ZNF837: variants seen among roughly 807,000 people sequenced by gnomAD.
ZNF837 encodes zinc finger protein 837.
For missense variants in ZNF837, 955 were observed against 801.7 expected (o/e 1.19, Z -2.31); for synonymous variants, 475 against 365.2 (o/e 1.30, Z -3.43).
intron 1 of ZNF837, among the ~76,000 whole-genome samples, chr19:58,371,338 G>T (rs544453914): frequency 6.6e-6 from 1 of 152,212 alleles, no homozygotes; most frequent in Non-Finnish European, 1.5e-5. Context: ...AACCTGTGAG[G>T]TGGAGGATGC....
In ZNF837 at chr19:58,375,313, A is replaced by ATATATATATATATATATATATAT. The variant is rs1568568408; in HGVS notation, c.-139-5386_-139-5385insATATATATATATATATATATATA. Among the ~76,000 whole-genome samples, 2 of 34,574 alleles carry ATATATATATATATATATATATAT rather than the reference A, an allele frequency of 5.8e-5. 1 individual carries two copies. The highest frequency in any genetic ancestry group is 1.3e-4 in the Non-Finnish European group (2 of 14,972). The allele number at this position is 34,574 out of a possible 152,430, so 22.7% of individuals were successfully genotyped here. A position where few individuals can be genotyped will look rare whatever the true frequency, so the allele number is the denominator to read the frequency against. On this transcript the variant is annotated intron_variant, in intron 1 of 2. Transcript: ENST00000597582. ...ATATATATATATATATATATATATA[A>ATATATATATATATATATATATAT]AATTACATATATACTTAAGAGTATA...
At chr19:58,371,871 GC>G (rs2052205127) in intron 1 of ZNF837, among the ~76,000 whole-genome samples, 1 of 141,544 alleles carries the variant, frequency 7.1e-6, no homozygotes, top group African/African-American at 2.7e-5. Context: ...ACAGGTGCCT[GC>G]CACCATGTCT....
intron 1 of ZNF837, among the ~76,000 whole-genome samples, chr19:58,373,897 G>A (rs989819938): frequency 2.6e-5 from 4 of 152,296 alleles, no homozygotes; most frequent in East Asian, 3.9e-4. Flanking sequence ...TGGAGGGGGC[G>A]GGACAAGATT....
rs2052177805 is a variant in ZNF837 at position 58,369,237 on chromosome 19, C to T, written c.96G>A (p.Pro32=). The T allele has an allele frequency of 1.4e-6, 2 of 1,424,356 alleles. No individual in the cohort carries two copies. The highest frequency in any genetic ancestry group is 1.8e-6 in the Non-Finnish European group (2 of 1,092,736). The allele number at this position is 1,424,356 out of a possible 1,614,324, so 88.2% of individuals were successfully genotyped here. The change falls in exon 3 of 3, where the codon CCG becomes CCA. Residue 32 remains proline (P), a synonymous_variant. Coordinates refer to ENST00000597582, the MANE Select transcript of ZNF837 (RefSeq NM_138466.2). The part of the protein sequence containing the change: ...SGAREKRPEE[P]RPLEEDRAGS... Reference sequence around the variant, plus strand: ...CAGCTCGGTCCTCTTCGAGGGGCCTCGGCTCCTCGGGCCTCTTCTCCCGGG... The same window carrying T: ...CAGCTCGGTCCTCTTCGAGGGGCCTTGGCTCCTCGGGCCTCTTCTCCCGGG...
In ZNF837 at chr19:58,369,038, T is replaced by C. The variant is rs1248581802; in HGVS notation, c.295A>G (p.Asn99Asp). The C allele has an allele frequency of 2.6e-6, 4 of 1,514,642 alleles. No individual in the cohort carries two copies. The highest frequency in any genetic ancestry group is 3.5e-6 in the Non-Finnish European group (4 of 1,130,014). 93.8% of individuals were successfully genotyped at this position (1,514,642 alleles called of 1,614,324 possible). Residue 99 changes from asparagine (N) to aspartate (D), a missense_variant, in exon 3 of 3, where the codon AAC becomes GAC. By Grantham distance (23) the Asn-to-Asp change is conservative. Coordinates refer to ENST00000597582, the MANE Select transcript of ZNF837 (RefSeq NM_138466.2). ...REPCGPTSSQ[N>D]PELVIPEGLQ... ...CCCTCGGGGATAACCAGCTCAGGGT[T>C]CTGAGAAGAGGTGGGGCCGCACGGC...
chr19:58,368,483 A>C lies in ZNF837; in HGVS notation c.850T>G (p.Ser284Ala). 4 of 1,563,380 alleles carry C rather than the reference A, an allele frequency of 2.6e-6. No individual in the cohort carries two copies. The highest frequency in any genetic ancestry group is 3.5e-6 in the Non-Finnish European group (4 of 1,156,370). Residue 284 changes from serine (S) to alanine (A), a missense_variant, in exon 3 of 3, where the codon TCC becomes GCC. Transcript: ENST00000597582. Reference sequence around the variant, plus strand: ...ATGCGCTGGTGCTGCAGCAGGCTGGAGGTGCGCGTGAAGGCCTTGCCGCAC... The same window carrying C: ...ATGCGCTGGTGCTGCAGCAGGCTGGCGGTGCGCGTGAAGGCCTTGCCGCAC... ...DECGKAFTRT[S>A]SLLQHQRIHT...
At chr19:58,369,584 G>A (rs992191502) in intron 2 of ZNF837, 36 of 367,286 alleles carry the variant, frequency 9.8e-5, no homozygotes, top group African/African-American at 3.8e-4. Context: ...CTGCCTGCCC[G>A]CCATCACCGT....
Position 58,368,181 on chromosome 19 carries a change from C to T in ZNF837, c.1152G>A (p.Val384=). Reference sequence around the variant, plus strand: ...ACGCGTAGGGCTTCTCGCCGGTGTGCACGCGCCGGTGCTCCACGAGGTGCG... The same window carrying T: ...ACGCGTAGGGCTTCTCGCCGGTGTGTACGCGCCGGTGCTCCACGAGGTGCG... ...LFSHLVEHRR[V]HTGEKPYACP... The change falls in exon 3 of 3, where the codon GTG becomes GTA. Residue 384 remains valine (V), a synonymous_variant. Coordinates refer to ENST00000597582, the MANE Select transcript of ZNF837 (RefSeq NM_138466.2). 2 of 1,577,398 alleles carry T rather than the reference C, an allele frequency of 1.3e-6. No homozygotes were observed. Among genetic ancestry groups the T allele is most frequent in the Non-Finnish European group, 1.7e-6 (2 of 1,164,694 alleles).
Position 58,368,670 on chromosome 19 carries a change from C to T in ZNF837, c.663G>A (p.Thr221=), listed in dbSNP as rs2052167790. 3 of 1,529,690 alleles carry T rather than the reference C, an allele frequency of 2.0e-6. No individual in the cohort carries two copies. The highest frequency in any genetic ancestry group is 1.2e-5 in the South Asian group (1 of 83,446). The allele number at this position is 1,529,690 out of a possible 1,614,324, so 94.8% of individuals were successfully genotyped here. ...ACCGGGCACACGGACGGGGCTCCTC[C>T]GTCGCCTGCAGCCTCTCCTGGGGGA... ...LRIPQERLQA[T]EEPRPCARCG... The change falls in exon 3 of 3, where the codon ACG becomes ACA. Residue 221 remains threonine (T), a synonymous_variant. Coordinates refer to ENST00000597582, the MANE Select transcript of ZNF837 (RefSeq NM_138466.2).
At chr19:58,380,153 G>C (rs2052278248) in intron 1 of ZNF837, among the ~76,000 whole-genome samples, 1 of 152,156 alleles carries the variant, frequency 6.6e-6, no homozygotes, top group Non-Finnish European at 1.5e-5. Flanking sequence ...AGTCCCAGGG[G>C]ACACAGACTC....
intron 1 of ZNF837, among the ~76,000 whole-genome samples, chr19:58,372,162 C>T (rs532258717): frequency 8.2e-4 from 125 of 152,258 alleles, no homozygotes; most frequent in African/African-American, 2.8e-3. Context: ...TCAAGCAATT[C>T]TCCTGCCTAA....
At chr19:58,377,611 C>A (rs1334305890) in intron 1 of ZNF837, among the ~76,000 whole-genome samples, 2 of 152,200 alleles carry the variant, frequency 1.3e-5, no homozygotes, top group African/African-American at 2.4e-5. Flanking sequence ...GCACGCCAGC[C>A]TGGGCAACAC....
chr19:58,369,068 G>A lies in ZNF837; in HGVS notation c.265C>T (p.Arg89Trp). The A allele has an allele frequency of 1.3e-6, 2 of 1,520,774 alleles. No homozygotes were observed. Among genetic ancestry groups the A allele is most frequent in the Admixed American group, 2.2e-5 (1 of 46,062 alleles). 94.2% of individuals were successfully genotyped at this position (1,520,774 alleles called of 1,614,324 possible). A position where few individuals can be genotyped will look rare whatever the true frequency, so the allele number is the denominator to read the frequency against. The change falls in exon 3 of 3, where the codon CGG (arginine) becomes TGG (tryptophan). Residue 89 changes from arginine (R) to tryptophan (W), a missense_variant. By Grantham distance (101) the Arg-to-Trp change is moderately radical. Coordinates refer to ENST00000597582, the MANE Select transcript of ZNF837 (RefSeq NM_138466.2). ...GAAGAGGTGGGGCCGCACGGCTCCC[G>A]CACGAGGGGTCTGGTCCCGGCGCTG... The part of the protein sequence containing the change: ...RHSAGTRPLV[R>W]EPCGPTSSQN...
intron 1 of ZNF837, among the ~76,000 whole-genome samples, chr19:58,380,279 C>T (rs1332993958): frequency 1.3e-5 from 2 of 152,244 alleles, no homozygotes; most frequent in African/African-American, 4.8e-5. Flanking sequence ...TGTGTCTGTC[C>T]TCCCGACAGT....
In ZNF837 at chr19:58,368,511, G is replaced by C; in HGVS notation, c.822C>G (p.Asp274Glu). 1.3e-6 allele frequency: 2 copies of C among 1,548,316 alleles called. No homozygotes were observed. The highest frequency in any genetic ancestry group is 4.9e-5 in the East Asian group (2 of 41,032). ...DPPAQRLYACDECGKAFTRTS... is the reference protein window; with the variant it reads ...DPPAQRLYACEECGKAFTRTS... ...TGCGCGTGAAGGCCTTGCCGCACTCGTCGCAAGCGTACAGTCGCTGGGCCG... is the reference window on the plus strand; with the variant it reads ...TGCGCGTGAAGGCCTTGCCGCACTCCTCGCAAGCGTACAGTCGCTGGGCCG... The change falls in exon 3 of 3, where the codon GAC becomes GAG. Residue 274 changes from aspartate (D) to glutamate (E), a missense_variant. Asp to Glu is a conservative substitution (Grantham distance 45). Transcript: ENST00000597582.
intron 2 of ZNF837, chr19:58,369,615 T>G: frequency 1.6e-5 from 5 of 321,358 alleles, no homozygotes; most frequent in African/African-American, 2.1e-5. Flanking sequence ...CACTAGCTCC[T>G]AAAACACTGT....
chr19:58,373,393 G>T (rs1289163599), intron 1 of ZNF837, among the ~76,000 whole-genome samples: 1 of 152,204 alleles, frequency 6.6e-6, no homozygotes, highest in African/African-American at 2.4e-5. Context: ...AGGACATCTG[G>T]GTGGTGCTGA....
intron 1 of ZNF837, among the ~76,000 whole-genome samples, chr19:58,372,976 A>G (rs1282440596): frequency 6.6e-6 from 1 of 152,158 alleles, no homozygotes; most frequent in South Asian, 2.1e-4. Context: ...CAGGCCAGGC[A>G]TTTGCTAATA....
Position 58,368,771 on chromosome 19 carries a change from G to A in ZNF837, c.562C>T (p.Arg188Cys), listed in dbSNP as rs866106798. The A allele has an allele frequency of 6.5e-7, 1 of 1,542,614 alleles. No individual in the cohort carries two copies. Among genetic ancestry groups the A allele is most frequent in the South Asian group, 1.2e-5 (1 of 84,032 alleles). ...TCPRTPKPTS[R>C]GRNPLVEQPR... ...TGCTCCACCAAGGGGTTCCTCCCGC[G>A]GGAGGTCGGCTTTGGGGTCCTCGGG... The change falls in exon 3 of 3, where the codon CGC (arginine) becomes TGC (cysteine). Residue 188 changes from arginine (R) to cysteine (C), a missense_variant. Arg to Cys is a radical substitution (Grantham distance 180). Transcript: ENST00000597582.
Sources: allele counts gnomAD v4.1 joint callset (sites outside exome capture counted in the v4.1 genomes callset), GRCh38; gene constraint gnomAD v4.1.1; transcripts MANE v1.5; gene names NCBI Gene and HGNC (gene_info 2026-07-23, HGNC 2026-07-21).